The following DSCAM variants were observed in gnomAD, a reference collection of about 807,000 sequenced individuals.
The protein encoded by DSCAM is cell adhesion molecule DSCAM.
A neutral mutation model predicts 217.7 loss-of-function variants in DSCAM; 47 were observed. The observed-to-expected ratio is 0.22, with a 90% CI of 0.17 to 0.28. The LOEUF is 0.28. Ranked by LOEUF, DSCAM falls within the 10% of genes least tolerant of loss-of-function variation. The pLI is 1.00. For missense variants in DSCAM, 2,080 were observed against 2,618.3 expected, an observed-to-expected ratio of 0.79 and a Z score of 4.49; for synonymous variants, 1,056 against 1,015.3, an observed-to-expected ratio of 1.04 and a Z score of -0.76.
chr21:40,511,299 A>G (rs1326742526), intron 3 of DSCAM, among the ~76,000 whole-genome samples: 1 of 152,178 alleles, frequency 6.6e-6, no homozygotes, highest in Non-Finnish European at 1.5e-5. Flanking sequence ...GGGCTGATAA[A>G]AAGTGACATT....
At chr21:40,304,659 C>T (rs546207015) in intron 9 of DSCAM, among the ~76,000 whole-genome samples, 61 of 152,208 alleles carry the variant, frequency 4.0e-4, no homozygotes, top group South Asian at 1.5e-3. Flanking sequence ...ACTGAAACAC[C>T]GGAGACTGTT....
intron 3 of DSCAM, among the ~76,000 whole-genome samples, chr21:40,456,750 T>C (rs2075767213): frequency 6.6e-6 from 1 of 152,162 alleles, no homozygotes; most frequent in African/African-American, 2.4e-5. Context: ...AGCTAATAGG[T>C]AAAGCAAATA....
At chr21:40,579,751 A>G (rs923360172) in intron 3 of DSCAM, among the ~76,000 whole-genome samples, 1 of 152,242 alleles carries the variant, frequency 6.6e-6, no homozygotes, top group African/African-American at 2.4e-5. Context: ...CATTTATGTT[A>G]TTAGTCAAAA....
intron 1 of DSCAM, among the ~76,000 whole-genome samples, chr21:40,765,577 C>T (rs1483516925): frequency 6.6e-6 from 1 of 151,994 alleles, no homozygotes; most frequent in Non-Finnish European, 1.5e-5. Flanking sequence ...ATCATAGAAG[C>T]AATGGGGGAG....
chr21:40,213,335 A>T (rs565843562), intron 11 of DSCAM, among the ~76,000 whole-genome samples: 1 of 152,308 alleles, frequency 6.6e-6, no homozygotes, highest in East Asian at 1.9e-4. Flanking sequence ...GGGGTGAAGG[A>T]TCCTGCTGCT....
chr21:40,810,704 C>T (rs1041861881), intron 1 of DSCAM, among the ~76,000 whole-genome samples: 1 of 152,048 alleles, frequency 6.6e-6, no homozygotes, highest in Non-Finnish European at 1.5e-5. Flanking sequence ...AGCTCAAGAC[C>T]AGTCTGGGAA....
intron 11 of DSCAM, among the ~76,000 whole-genome samples, chr21:40,270,740 C>T (rs2073604711): frequency 6.6e-6 from 1 of 152,010 alleles, no homozygotes; most frequent in Admixed American, 6.6e-5. Context: ...CAAAGCTTCA[C>T]CATGGGGGGC....
intron 3 of DSCAM, among the ~76,000 whole-genome samples, chr21:40,508,763 ATATATATATATATATATATATTTTT>A (rs2076233037): frequency 2.6e-3 from 10 of 3,822 alleles, no homozygotes; most frequent in African/African-American, 9.5e-3. Flanking sequence ...ATATATATAT[ATATATATATATATATATATATTTTT>A]TTTTTTTTTT....
chr21:40,558,726 T>A (rs567687397), intron 3 of DSCAM, among the ~76,000 whole-genome samples: 2 of 152,344 alleles, frequency 1.3e-5, no homozygotes, highest in South Asian at 4.1e-4. Context: ...TCACTTTCTC[T>A]CTGTATATTG....
intron 16 of DSCAM, among the ~76,000 whole-genome samples, chr21:40,153,411 C>T (rs1044534262): frequency 4.6e-5 from 7 of 152,150 alleles, no homozygotes; most frequent in Non-Finnish European, 8.8e-5. Context: ...CTGGACATTG[C>T]CTTGGAGGGT....
intron 1 of DSCAM, among the ~76,000 whole-genome samples, chr21:40,720,728 A>G (rs189050607): frequency 6.6e-6 from 1 of 151,992 alleles, no homozygotes; most frequent in African/African-American, 2.4e-5. Flanking sequence ...TGAGTGGCCC[A>G]GCTTACTTCC....
intron 3 of DSCAM, among the ~76,000 whole-genome samples, chr21:40,404,004 T>G (rs1032201237): frequency 1.3e-5 from 2 of 152,146 alleles, no homozygotes; most frequent in African/African-American, 4.8e-5. Context: ...GCCAAGAAAC[T>G]GACATAGATT....
In DSCAM at chr21:40,142,719, T is replaced by A. The variant is rs778899475; in HGVS notation, c.3260-15A>T. 7.4e-6 allele frequency: 12 copies of A among 1,612,430 alleles called. 1 individual carries two copies. The highest frequency in any genetic ancestry group is 1.7e-4 in the Middle Eastern group (1 of 6,052). ...GTAACTGGGCACTGAAATCAAATAA[T>A]TAGAATCTGTAATAACTGTGGGTGG... is the stretch of plus-strand genomic sequence containing the variant. On this transcript the variant is annotated splice_polypyrimidine_tract_variant and intron_variant, in intron 17 of 32. Coordinates refer to ENST00000400454, the MANE Select transcript of DSCAM (RefSeq NM_001389.5).
chr21:40,706,935 G>A (rs1017390961), intron 2 of DSCAM, among the ~76,000 whole-genome samples: 2 of 152,128 alleles, frequency 1.3e-5, no homozygotes, highest in Non-Finnish European at 2.9e-5. Flanking sequence ...TGTCAAGAAC[G>A]CCAGCACATA....
Position 40,301,619 on chromosome 21 carries a change from A to ACCACAGCCTTTATTACACTCGTC in DSCAM, c.2063-5446_2063-5445insGACGAGTGTAATAAAGGCTGTGG, listed in dbSNP as rs1197261443. ...ATAGCCTTTATTACGCTCATCTGGTATTGCTGTTTAACAGTCTGTGTCCCA... is the reference window on the plus strand; with the variant it reads ...ATAGCCTTTATTACGCTCATCTGGTACCACAGCCTTTATTACACTCGTCTTGCTGTTTAACAGTCTGTGTCCCA... On this transcript the variant is annotated intron_variant, in intron 9 of 32. Transcript: ENST00000400454. Among the ~76,000 whole-genome samples, 93 of 151,646 alleles carry ACCACAGCCTTTATTACACTCGTC rather than the reference A, an allele frequency of 6.1e-4. 1 individual carries two copies. The highest frequency in any genetic ancestry group is 1.3e-3 in the African/African-American group (55 of 41,072).
intron 1 of DSCAM, among the ~76,000 whole-genome samples, chr21:40,734,820 C>T (rs981635468): frequency 8.5e-5 from 13 of 152,162 alleles, no homozygotes; most frequent in Admixed American, 5.9e-4. Flanking sequence ...TTGTTTAATA[C>T]GTGCAGTCTC....
intron 8 of DSCAM, among the ~76,000 whole-genome samples, chr21:40,337,709 T>C (rs977595306): frequency 2.0e-5 from 3 of 152,182 alleles, no homozygotes; most frequent in Non-Finnish European, 4.4e-5. Context: ...CCTCATCCAA[T>C]ACAGAAAATC....
At chr21:40,360,449 T>C (rs1385844973) in intron 4 of DSCAM, among the ~76,000 whole-genome samples, 2 of 151,936 alleles carry the variant, frequency 1.3e-5, no homozygotes, top group Non-Finnish European at 2.9e-5. Context: ...TAGGTAGCTT[T>C]TTAACCTAAA....
intron 24 of DSCAM, among the ~76,000 whole-genome samples, chr21:40,083,674 C>A (rs947645717): frequency 2.6e-5 from 4 of 152,194 alleles, no homozygotes; most frequent in Admixed American, 6.5e-5. Context: ...TTTCTTGCAA[C>A]TGTTGATATT....
Sources: gnomAD v4.1 joint callset for allele counts (sites outside exome capture counted in the v4.1 genomes callset) on GRCh38, gnomAD v4.1.1 for gene constraint, MANE v1.5 for transcripts, NCBI Gene and HGNC (gene_info 2026-07-23, HGNC 2026-07-21) for gene names.